ADCY7: variants seen among roughly 807,000 people sequenced by gnomAD.
ADCY7 encodes adenylate cyclase type 7.
ADCY7 carries 72 observed loss-of-function variants against 120.6 expected under a neutral mutation model. That is an observed-to-expected ratio of 0.60 (90% CI 0.49 to 0.73). The LOEUF (loss-of-function observed/expected upper bound fraction) is 0.73, where lower values mean the gene tolerates loss of function less well. Ranked by LOEUF, ADCY7 falls within the 30% of genes least tolerant of loss-of-function variation. ADCY7 has a pLI of 0.00. For synonymous variants in ADCY7, 661 were observed against 628.0 expected (o/e 1.05, Z -0.78); for missense variants, 1,227 against 1,486.0 (o/e 0.83, Z 2.87).
At chr16:50,247,539 ATTT>A (rs5816683) in intron 1 of ADCY7, among the ~76,000 whole-genome samples, 27 of 111,372 alleles carry the variant, frequency 2.4e-4, no homozygotes, top group African/African-American at 1.4e-4. Flanking sequence ...TAATTTAGTA[ATTT>A]TTTTTTTTTT....
chr16:50,294,146 T>C (rs1324709652), intron 6 of ADCY7, among the ~76,000 whole-genome samples: 1 of 152,194 alleles, frequency 6.6e-6, no homozygotes, highest in Non-Finnish European at 1.5e-5. Flanking sequence ...GCTCTTGGCT[T>C]CCCAGCAAGT....
rs145562974 is a variant in ADCY7 at position 50,305,182 on chromosome 16, C to T, written c.1595+223C>T. On this transcript the variant is annotated intron_variant, in intron 12 of 25. Coordinates refer to ENST00000673801, the MANE Select transcript of ADCY7 (RefSeq NM_001114.5). Reference sequence around the variant, plus strand: ...GAGCACCTGTTGTATGGTGCCCTGGCGGGGTCAGTGGAGTCGGTGGAAGGG... The same window carrying T: ...GAGCACCTGTTGTATGGTGCCCTGGTGGGGTCAGTGGAGTCGGTGGAAGGG... Among the ~76,000 whole-genome samples the T allele has an allele frequency of 3.3e-3, 509 of 152,326 alleles. 3 individuals are homozygous for T. The highest frequency in any genetic ancestry group is 6.8e-3 in the Middle Eastern group (2 of 294).
At position 50,292,672 on chromosome 16, in the gene ADCY7, G is replaced by A. The variant is rs775973364; in HGVS notation, c.538-4G>A. The A allele has an allele frequency of 8.7e-6, 14 of 1,613,388 alleles. No homozygotes were observed. Among genetic ancestry groups the A allele is most frequent in the South Asian group, 1.1e-5 (1 of 91,062 alleles). On this transcript the variant is annotated splice_region_variant and splice_polypyrimidine_tract_variant and intron_variant, in intron 4 of 25. Transcript: ENST00000673801. ...TAATGAGCCAAACCCCTGTCTACCC[G>A]CAGCTGCTGGCCAACGCAGTCATCT...
intron 1 of ADCY7, among the ~76,000 whole-genome samples, chr16:50,256,172 CA>C (rs2032913404): frequency 6.6e-6 from 1 of 152,024 alleles, no homozygotes; most frequent in Non-Finnish European, 1.5e-5. Context: ...ATTTGCAAGC[CA>C]AACATCTGAA....
At chr16:50,306,932 T>C (rs1043368540) in intron 14 of ADCY7, 118 bp from the exon 15 acceptor site, 1 of 760,086 alleles carries the variant, frequency 1.3e-6, no homozygotes, top group East Asian at 2.7e-5. Flanking sequence ...GTGCTGGGAT[T>C]ACAAGCGTGA....
chr16:50,276,883 T>G (rs545980598), intron 1 of ADCY7, among the ~76,000 whole-genome samples: 16 of 152,342 alleles, frequency 1.1e-4, no homozygotes, highest in African/African-American at 3.8e-4. Flanking sequence ...CATGAGCCAA[T>G]GTACCTGGCT....
chr16:50,305,382 C>A (rs1049226470), intron 12 of ADCY7, 121 bp from the exon 13 acceptor site: 190 of 872,254 alleles, frequency 2.2e-4, no homozygotes, highest in Non-Finnish European at 1.2e-4. Context: ...GTGGGACCCA[C>A]CCATTCCTTC....
At position 50,290,449 on chromosome 16, in the gene ADCY7, C is replaced by T; in HGVS notation, c.172-8C>T. 3 of 1,614,002 alleles carry T rather than the reference C, an allele frequency of 1.9e-6. No individual in the cohort carries two copies. The highest frequency in any genetic ancestry group is 1.7e-6 in the Non-Finnish European group (2 of 1,179,954). The stretch of plus-strand genomic sequence containing the variant: ...GCCGAGGCATTCCTGTCTGTTTGCT[C>T]CACCCAGGACCCCTCCAGACACCAG... On this transcript the variant is annotated splice_region_variant and splice_polypyrimidine_tract_variant and intron_variant, in intron 2 of 25. Coordinates refer to ENST00000673801, the MANE Select transcript of ADCY7 (RefSeq NM_001114.5).
intron 1 of ADCY7, among the ~76,000 whole-genome samples, chr16:50,286,718 T>C (rs1389912783): frequency 2.6e-5 from 4 of 152,220 alleles, no homozygotes; most frequent in African/African-American, 9.6e-5. Context: ...ACAGACACCA[T>C]CTGTGTGTGA....
chr16:50,305,703 C>G (rs2151050048), intron 13 of ADCY7, 74 bp from the exon 14 acceptor site: 1 of 1,502,152 alleles, frequency 6.7e-7, no homozygotes, highest in South Asian at 1.1e-5. Context: ...TTCCTTCCCC[C>G]TGCCTGCTGC....
rs201937832 is a variant in ADCY7 at position 50,313,982 on chromosome 16, G to A, written c.2776G>A (p.Gly926Ser). 3.8e-5 allele frequency: 61 copies of A among 1,614,012 alleles called. No homozygotes were observed. The highest frequency in any genetic ancestry group is 1.7e-4 in the Middle Eastern group (1 of 6,052). The change falls in exon 23 of 26, where the codon GGC becomes AGC. Residue 926 changes from glycine (G) to serine (S), a missense_variant. Around this residue, in one of 5 missense-constraint regions of ADCY7, gnomAD observed 244 missense variants for 332.8 expected, o/e 0.73. Transcript: ENST00000673801. ...DELLLKPKFS[G>S]VEKIKTIGST... ...GCTCCTACTGAAGCCCAAGTTCAGC[G>A]GCGTGGAGAAGATCAAGACCATCGG... is the stretch of plus-strand genomic sequence containing the variant.
chr16:50,304,226 A>C, intron 10 of ADCY7, 134 bp from the exon 11 acceptor site: 2 of 943,756 alleles, frequency 2.1e-6, no homozygotes, highest in Non-Finnish European at 2.9e-6. Context: ...GGGTTGAGCA[A>C]CTTCTTTGCT....
rs190525714 is a variant in ADCY7 at position 50,269,660 on chromosome 16, C to T, written c.-269+2980C>T. Among the ~76,000 whole-genome samples, 523 of 152,302 alleles carry T rather than the reference C, an allele frequency of 3.4e-3. 3 individuals carry two copies. The highest frequency in any genetic ancestry group is 4.7e-3 in the Non-Finnish European group (322 of 68,018). On this transcript the variant is annotated intron_variant, in intron 1 of 25. Coordinates refer to ENST00000673801, the MANE Select transcript of ADCY7 (RefSeq NM_001114.5). ...GGTGGCCTGACCCTCAGCACCGCTC[C>T]TTGCCTCCCTCCTGCTGTCCTGGAG...
At chr16:50,300,216 G>A (rs1191747658) in intron 8 of ADCY7, among the ~76,000 whole-genome samples, 3 of 152,032 alleles carry the variant, frequency 2.0e-5, no homozygotes, top group East Asian at 1.9e-4. Flanking sequence ...GACTACAGGC[G>A]CCTGCTACCA....
intron 8 of ADCY7, among the ~76,000 whole-genome samples, chr16:50,299,746 C>T (rs977622776): frequency 6.6e-6 from 1 of 152,234 alleles, no homozygotes; most frequent in African/African-American, 2.4e-5. Context: ...CAGGCTGGCC[C>T]CTGCCCTGTA....
chr16:50,304,321 G>T, intron 10 of ADCY7, 39 bp from the exon 11 acceptor site: 1 of 1,401,786 alleles, frequency 7.1e-7, no homozygotes, highest in East Asian at 2.6e-5. Flanking sequence ...GCCGAGAGGG[G>T]AGGAGGTGGC....
chr16:50,279,364 G>A (rs1213615645), intron 1 of ADCY7, among the ~76,000 whole-genome samples: 2 of 152,210 alleles, frequency 1.3e-5, no homozygotes, highest in Non-Finnish European at 2.9e-5. Flanking sequence ...CAAGGGAAAA[G>A]GGATCAGAAA....
Position 50,300,153 on chromosome 16 carries a change from C to G in ADCY7, c.1077-562C>G, listed in dbSNP as rs187410665. ...AGAGCGTATCTCGGTTCACCACAAC[C>G]TCTGCCTCCTGGGTTCAAGCGATTC... is the stretch of plus-strand genomic sequence containing the variant. On this transcript the variant is annotated intron_variant, in intron 8 of 25. Coordinates refer to ENST00000673801, the MANE Select transcript of ADCY7 (RefSeq NM_001114.5). Among the ~76,000 whole-genome samples the G allele has an allele frequency of 9.6e-4, 146 of 152,276 alleles. 1 individual carries two copies. The highest frequency in any genetic ancestry group is 3.3e-3 in the African/African-American group (139 of 41,560).
At chr16:50,298,075 C>T (rs1051663561) in intron 7 of ADCY7, among the ~76,000 whole-genome samples, 3 of 151,992 alleles carry the variant, frequency 2.0e-5, no homozygotes, top group African/African-American at 7.3e-5. Flanking sequence ...CTATGAGTCC[C>T]CACCCTCGCC....
Sources: gnomAD v4.1 joint callset for allele counts (sites outside exome capture counted in the v4.1 genomes callset) on GRCh38, gnomAD v4.1.1 for gene constraint, gnomAD v4.1.1 regional missense constraint, MANE v1.5 for transcripts, NCBI Gene and HGNC (gene_info 2026-07-23, HGNC 2026-07-21) for gene names.